The following DGKB variants were observed in gnomAD, a reference collection of about 807,000 sequenced individuals.
DGKB encodes 90 kDa diacylglycerol kinase.
A neutral mutation model predicts 114.3 loss-of-function variants in DGKB; 67 were observed. That is an observed-to-expected ratio of 0.59 (90% CI 0.48 to 0.72). DGKB has a LOEUF of 0.72. DGKB is among the 30% of genes least tolerant of loss of function. DGKB has a pLI of 0.00. For missense variants in DGKB, 907 were observed against 975.2 expected (o/e 0.93, Z 0.93); for synonymous variants, 398 against 323.1 (o/e 1.23, Z -2.49).
chr7:14,320,227 T>C (rs6944473), intron 23 of DGKB, among the ~76,000 whole-genome samples: 23,436 of 152,134 alleles, frequency 0.15, 3,886 homozygotes, highest in African/African-American at 0.42. Context: ...TGGCCCTACA[T>C]GTCTGATCCA....
intron 4 of DGKB, among the ~76,000 whole-genome samples, chr7:14,752,018 G>A (rs1369291552): frequency 1.3e-5 from 2 of 152,060 alleles, no homozygotes; most frequent in Non-Finnish European, 2.9e-5. Context: ...CCTTTTAACA[G>A]TCCAATAAGG....
intron 21 of DGKB, among the ~76,000 whole-genome samples, chr7:14,477,859 T>A (rs1782415679): frequency 6.6e-6 from 1 of 152,106 alleles, no homozygotes; most frequent in Admixed American, 6.6e-5. Flanking sequence ...TTCATATACG[T>A]CATGAAAACT....
chr7:14,658,664 T>C (rs1816354954), intron 13 of DGKB, among the ~76,000 whole-genome samples: 1 of 151,780 alleles, frequency 6.6e-6, no homozygotes, highest in Admixed American at 6.6e-5. Context: ...TGTAACAAAA[T>C]ATTACATGTA....
intron 21 of DGKB, among the ~76,000 whole-genome samples, chr7:14,408,062 A>G (rs1456828703): frequency 6.6e-6 from 1 of 152,170 alleles, no homozygotes; most frequent in Non-Finnish European, 1.5e-5. Context: ...TAACTGTGGA[A>G]CACACACTGT....
intron 1 of DGKB, among the ~76,000 whole-genome samples, chr7:14,955,956 C>T (rs969603001): frequency 6.6e-6 from 1 of 151,936 alleles, no homozygotes; most frequent in African/African-American, 2.4e-5. Flanking sequence ...AAGAGGTAGG[C>T]ATGAGGTATG....
intron 23 of DGKB, among the ~76,000 whole-genome samples, chr7:14,296,965 A>G (rs1281588712): frequency 6.6e-5 from 10 of 152,172 alleles, no homozygotes; most frequent in Admixed American, 6.5e-5. Flanking sequence ...GAAGAAATGG[A>G]TAAATTCCTG....
chr7:14,867,918 T>A (rs1851911332), intron 1 of DGKB, among the ~76,000 whole-genome samples: 1 of 152,156 alleles, frequency 6.6e-6, no homozygotes, highest in Non-Finnish European at 1.5e-5. Context: ...TAAGGTAGCT[T>A]CAGCGAAGAA....
intron 9 of DGKB, among the ~76,000 whole-genome samples, chr7:14,692,423 T>C (rs1823030688): frequency 6.6e-6 from 1 of 152,038 alleles, no homozygotes; most frequent in South Asian, 2.1e-4. Flanking sequence ...TAAAGTTATC[T>C]GACAATTTTT....
intron 21 of DGKB, among the ~76,000 whole-genome samples, chr7:14,374,584 G>T (rs1486810379): frequency 6.6e-6 from 1 of 152,076 alleles, no homozygotes; most frequent in Non-Finnish European, 1.5e-5. Flanking sequence ...TTGAATTTAG[G>T]ATTAAAATCT....
At chr7:14,332,631 A>G (rs1264648850) in intron 23 of DGKB, among the ~76,000 whole-genome samples, 2 of 152,230 alleles carry the variant, frequency 1.3e-5, no homozygotes, top group African/African-American at 4.8e-5. Context: ...TATAAATGAT[A>G]GTAAAAAATT....
intron 13 of DGKB, among the ~76,000 whole-genome samples, chr7:14,663,416 T>C (rs997140607): frequency 3.9e-5 from 6 of 152,022 alleles, no homozygotes; most frequent in African/African-American, 1.2e-4. Context: ...TATTGATCTA[T>C]ATCAATTCTT....
intron 16 of DGKB, among the ~76,000 whole-genome samples, chr7:14,612,751 C>T (rs1350493338): frequency 6.6e-6 from 1 of 152,042 alleles, no homozygotes; most frequent in Non-Finnish European, 1.5e-5. Flanking sequence ...ATAAGATTTA[C>T]TCTTCAATGT....
intron 21 of DGKB, among the ~76,000 whole-genome samples, chr7:14,389,345 G>A (rs1256527989): frequency 1.3e-5 from 2 of 152,164 alleles, no homozygotes; most frequent in Admixed American, 6.5e-5. Flanking sequence ...AGTCAGCAGG[G>A]TGCATCTGGC....
chr7:14,564,805 C>A (rs1461539847), intron 20 of DGKB, among the ~76,000 whole-genome samples: 1 of 151,570 alleles, frequency 6.6e-6, no homozygotes, highest in Non-Finnish European at 1.5e-5. Flanking sequence ...TTGTTTTCCT[C>A]CTGCTTCATT....
intron 9 of DGKB, among the ~76,000 whole-genome samples, chr7:14,691,917 A>G (rs1378652011): frequency 6.6e-6 from 1 of 151,978 alleles, no homozygotes; most frequent in Non-Finnish European, 1.5e-5. Flanking sequence ...CCCTTTTACT[A>G]AAAACATAAA....
In DGKB at chr7:14,968,981, A is replaced by G. The variant is rs191385065; in HGVS notation, c.-188+5715T>C. On this transcript the variant is annotated intron_variant, in intron 1 of 4. Coordinates refer to the DGKB transcript ENST00000437998. The stretch of plus-strand genomic sequence containing the variant: ...AAGAGAGTCCATTCACTTTTGCAGA[A>G]TTCATCTTACTGGTTTTCCAGTCTG... 6.6e-5 allele frequency among the ~76,000 whole-genome samples: 10 copies of G among 152,256 alleles called. No individual in the cohort carries two copies. The East Asian group carries it at 1.9e-3, about 29-fold the overall frequency.
At chr7:14,716,992 G>A (rs1435604328) in intron 6 of DGKB, among the ~76,000 whole-genome samples, 2 of 151,822 alleles carry the variant, frequency 1.3e-5, no homozygotes, top group Admixed American at 1.3e-4. Context: ...AAAAAGCTGG[G>A]AAACTCAAAG....
chr7:14,818,998 G>A (rs995986769), intron 2 of DGKB, among the ~76,000 whole-genome samples: 8 of 152,094 alleles, frequency 5.3e-5, no homozygotes, highest in East Asian at 1.9e-4. Flanking sequence ...GGAACTGAGC[G>A]TATCAAATCT....
chr7:14,641,902 T>C (rs1811876491), intron 13 of DGKB, among the ~76,000 whole-genome samples: 1 of 152,112 alleles, frequency 6.6e-6, no homozygotes, highest in African/African-American at 2.4e-5. Context: ...TGCATGCAAA[T>C]TGCACCAAGT....
Sources: allele counts gnomAD v4.1 joint callset (sites outside exome capture counted in the v4.1 genomes callset), GRCh38; gene constraint gnomAD v4.1.1; transcripts MANE v1.5; gene names NCBI Gene and HGNC (gene_info 2026-07-23, HGNC 2026-07-21).